DLG1: variants seen among roughly 807,000 people sequenced by gnomAD.
DLG1 encodes the protein disks large homolog 1.
A neutral mutation model predicts 123.4 loss-of-function variants in DLG1; 42 were observed. The ratio of observed to expected loss-of-function variants is 0.34; its 90% CI spans 0.27 to 0.44. The LOEUF (loss-of-function observed/expected upper bound fraction) is 0.44, where lower values mean the gene tolerates loss of function less well. DLG1 is among the 20% of genes least tolerant of loss of function. The pLI is 1.00. For missense variants in DLG1, 942 were observed against 1,082.6 expected, an observed-to-expected ratio of 0.87 and a Z score of 1.82; for synonymous variants, 317 against 356.2, an observed-to-expected ratio of 0.89 and a Z score of 1.24.
At chr3:197,283,587 C>T (rs572213353) in intron 3 of DLG1, among the ~76,000 whole-genome samples, 1 of 152,232 alleles carries the variant, frequency 6.6e-6, no homozygotes, top group African/African-American at 2.4e-5. Context: ...AACTTATTAA[C>T]ACTAATTATT....
chr3:197,111,318 C>T (rs1769875443), intron 13 of DLG1, among the ~76,000 whole-genome samples: 2 of 152,134 alleles, frequency 1.3e-5, no homozygotes, highest in Non-Finnish European at 2.9e-5. Context: ...TGGTCTCACA[C>T]ACTTTAGCAC....
chr3:197,169,170 A>G (rs1350739415), intron 5 of DLG1, among the ~76,000 whole-genome samples: 1 of 152,190 alleles, frequency 6.6e-6, no homozygotes, highest in Admixed American at 6.5e-5. Flanking sequence ...GCACATCCAC[A>G]TTTATGACCA....
At chr3:197,154,044 T>C (rs1577171860) in intron 5 of DLG1, among the ~76,000 whole-genome samples, 1 of 152,190 alleles carries the variant, frequency 6.6e-6, no homozygotes, top group East Asian at 1.9e-4. Flanking sequence ...GGCTTACGCC[T>C]GTAATCCTAG....
Position 197,086,399 on chromosome 3 carries a change from CTTGA to C in DLG1, c.1662-647_1662-644del, listed in dbSNP as rs1260619201. On this transcript the variant is annotated intron_variant, in intron 15 of 24. Coordinates refer to ENST00000667157, the MANE Select transcript of DLG1 (RefSeq NM_001366207.1). ...AAAAAGAAAATATTGTGTGCTACCACTTGATTAATTAATGTACAACATTAAAATA... is the reference window on the plus strand; with the variant it reads ...AAAAAGAAAATATTGTGTGCTACCACTTAATTAATGTACAACATTAAAATA... Among the ~76,000 whole-genome samples, 5 of 152,306 alleles carry C rather than the reference CTTGA, an allele frequency of 3.3e-5. No homozygotes were observed. The South Asian group carries it at 6.2e-4, about 19-fold the overall frequency.
At chr3:197,053,047 A>G (rs976289631) in intron 23 of DLG1, among the ~76,000 whole-genome samples, 2 of 152,266 alleles carry the variant, frequency 1.3e-5, no homozygotes, top group South Asian at 4.1e-4. Context: ...AATGATAGGA[A>G]TGTCTGAGAC....
rs769300816 is a variant in DLG1 at position 197,099,252 on chromosome 3, C to T, written c.1546+5651G>A. Among the ~76,000 whole-genome samples, 92 of 152,120 alleles carry T rather than the reference C, an allele frequency of 6.0e-4. 4 individuals are homozygous for T. The highest frequency in any genetic ancestry group is 1.9e-4 in the East Asian group (1 of 5,186). Reference sequence around the variant, plus strand: ...AGCTCATTTTTAAAATTACTTGCAGCGACAGGGTGTCCTATGTTACCCAGG... The same window carrying T: ...AGCTCATTTTTAAAATTACTTGCAGTGACAGGGTGTCCTATGTTACCCAGG... On this transcript the variant is annotated intron_variant, in intron 14 of 24. Coordinates refer to ENST00000667157, the MANE Select transcript of DLG1 (RefSeq NM_001366207.1).
chr3:197,147,434 A>G (rs59122150), intron 6 of DLG1, among the ~76,000 whole-genome samples: 47 of 17,564 alleles, frequency 2.7e-3, no homozygotes, highest in African/African-American at 6.6e-3. Context: ...TATGGTGTGC[A>G]CACACACACA....
Position 197,142,781 on chromosome 3 carries a change from A to C in DLG1, c.538-13T>G, listed in dbSNP as rs764604381. The C allele has an allele frequency of 6.3e-7, 1 of 1,598,120 alleles. No individual in the cohort carries two copies. The highest frequency in any genetic ancestry group is 1.3e-5 in the African/African-American group (1 of 74,156). On this transcript the variant is annotated splice_polypyrimidine_tract_variant and intron_variant, in intron 6 of 24. Transcript: ENST00000667157. ...CTGTGCCATTAACCTACAGGGGAAA[A>C]GAAAAGCAGCTCAGAAACTTCAGAG...
intron 9 of DLG1, 132 bp from the exon 10 acceptor site, chr3:197,136,810 A>G (rs898693083): frequency 2.8e-6 from 2 of 716,760 alleles, no homozygotes; most frequent in Non-Finnish European, 4.4e-6. Context: ...CTATTTAGTT[A>G]TCTACTAGTA....
chr3:197,070,246 T>A (rs1283159996), intron 18 of DLG1: 1 of 151,474 alleles, frequency 6.6e-6, no homozygotes, highest in Non-Finnish European at 1.5e-5. Context: ...AACTTTTTTT[T>A]TTTTTTTTAA....
At chr3:197,119,031 G>C (rs1248118299) in intron 12 of DLG1, among the ~76,000 whole-genome samples, 1 of 151,854 alleles carries the variant, frequency 6.6e-6, no homozygotes, top group Non-Finnish European at 1.5e-5. Flanking sequence ...ACCACTTATT[G>C]AATTCTGAAC....
chr3:197,151,069 C>T (rs974878301), intron 5 of DLG1, among the ~76,000 whole-genome samples: 1 of 152,120 alleles, frequency 6.6e-6, no homozygotes, highest in African/African-American at 2.4e-5. Context: ...AGCTACCCAA[C>T]TTACAGACAT....
intron 23 of DLG1, among the ~76,000 whole-genome samples, chr3:197,054,441 C>T (rs917454233): frequency 1.3e-5 from 2 of 152,030 alleles, no homozygotes; most frequent in Admixed American, 6.6e-5. Flanking sequence ...TTCTCTGTTT[C>T]GCAGACTAAA....
At chr3:197,220,094 C>T (rs1471101876) in intron 4 of DLG1, among the ~76,000 whole-genome samples, 1 of 152,196 alleles carries the variant, frequency 6.6e-6, no homozygotes, top group Non-Finnish European at 1.5e-5. Context: ...CACTAGGTAA[C>T]ATGATTAGTA....
chr3:197,112,143 ATGT>A (rs772952395), intron 13 of DLG1, among the ~76,000 whole-genome samples: 70 of 152,300 alleles, frequency 4.6e-4, no homozygotes, highest in Non-Finnish European at 9.0e-4. Context: ...TCATCAATGA[ATGT>A]TGTTATTTTT....
rs148306451 is a variant in DLG1, at chr3:197,207,173, C to T, written c.319-12584G>A. 9.8e-3 allele frequency among the ~76,000 whole-genome samples: 1,486 copies of T among 152,266 alleles called. 18 individuals are homozygous for T. The highest frequency in any genetic ancestry group is 0.023 in the African/African-American group (959 of 41,522). ...CGCAAAGTTTGCTCTTTGCTCTTTACGCAAAGTTTGTCCTTCACGCAAAGT... is the reference window on the plus strand; with the variant it reads ...CGCAAAGTTTGCTCTTTGCTCTTTATGCAAAGTTTGTCCTTCACGCAAAGT... On this transcript the variant is annotated intron_variant, in intron 4 of 24. Coordinates refer to ENST00000667157, the MANE Select transcript of DLG1 (RefSeq NM_001366207.1).
intron 13 of DLG1, 41 bp downstream of exon 13, chr3:197,115,886 G>T: frequency 1.9e-6 from 3 of 1,595,076 alleles, no homozygotes; most frequent in Non-Finnish European, 2.6e-6. Flanking sequence ...AATAGGTCCA[G>T]TGAAAATAAC....
At chr3:197,270,236 A>C (rs1763361547) in intron 4 of DLG1, among the ~76,000 whole-genome samples, 1 of 152,238 alleles carries the variant, frequency 6.6e-6, no homozygotes. Context: ...TATCCTAAGA[A>C]AACACAGATA....
intron 18 of DLG1, among the ~76,000 whole-genome samples, chr3:197,075,565 G>A (rs1425638691): frequency 6.6e-6 from 1 of 151,936 alleles, no homozygotes; most frequent in Non-Finnish European, 1.5e-5. Flanking sequence ...AAAGTTCCTA[G>A]CAAAAGTAAC....
Sources: allele counts gnomAD v4.1 joint callset (sites outside exome capture counted in the v4.1 genomes callset), GRCh38; gene constraint gnomAD v4.1.1; transcripts MANE v1.5; gene names NCBI Gene and HGNC (gene_info 2026-07-23, HGNC 2026-07-21).